Variants in HYDIN observed in about 807,000 individuals in gnomAD.
HYDIN encodes axonemal central pair apparatus protein HYDIN.
Under a neutral mutation model 403.9 loss-of-function variants are expected in HYDIN, and 132 were observed. The observed-to-expected ratio is 0.33, with a 90% CI of 0.28 to 0.38. HYDIN has a LOEUF of 0.38. Ranked by LOEUF, HYDIN falls within the 10% of genes least tolerant of loss-of-function variation. HYDIN has a pLI of 1.00. For synonymous variants in HYDIN, 1,202 were observed against 1,891.7 expected (o/e 0.64, Z 9.46); for missense variants, 2,827 against 5,009.5 (o/e 0.56, Z 13.15).
chr16:71,053,836 G>A (rs1486038946), intron 18 of HYDIN, among the ~76,000 whole-genome samples: 1 of 88,826 alleles, frequency 1.1e-5, no homozygotes, highest in Non-Finnish European at 2.3e-5. Context: ...AGATTAACAT[G>A]TGTTAATTTT....
intron 18 of HYDIN, among the ~76,000 whole-genome samples, chr16:71,034,214 T>A (rs2081012090): frequency 6.6e-6 from 1 of 152,226 alleles, no homozygotes; most frequent in South Asian, 2.1e-4. Flanking sequence ...AGTCTAAGAT[T>A]ACCCTTTCAT....
chr16:70,909,688 C>CTTTT (rs74464612), intron 47 of HYDIN, among the ~76,000 whole-genome samples: 2 of 64,776 alleles, frequency 3.1e-5, no homozygotes, highest in African/African-American at 1.1e-4. Context: ...TCAGGCATGT[C>CTTTT]TTTTTTTTTT....
chr16:71,169,410 G>T (rs1430869200), intron 5 of HYDIN, among the ~76,000 whole-genome samples: 2 of 152,084 alleles, frequency 1.3e-5, no homozygotes, highest in African/African-American at 4.8e-5. Flanking sequence ...TCCAGCCTGG[G>T]CAACAGAGTG....
At chr16:70,925,263 T>A (rs933367482) in intron 45 of HYDIN, among the ~76,000 whole-genome samples, 10 of 152,188 alleles carry the variant, frequency 6.6e-5, no homozygotes, top group Non-Finnish European at 1.3e-4. Context: ...GATGGGAGGA[T>A]TGCTTGAGGC....
At chr16:71,129,564 G>C (rs886399535) in intron 9 of HYDIN, 76 bp downstream of exon 9, 32 of 1,397,444 alleles carry the variant, frequency 2.3e-5, no homozygotes, top group Non-Finnish European at 2.8e-5. Flanking sequence ...CAATCCCCAA[G>C]TGAGCGCTCT....
chr16:71,056,089 A>T (rs1261745178), intron 18 of HYDIN, among the ~76,000 whole-genome samples: 3 of 148,706 alleles, frequency 2.0e-5, no homozygotes, highest in African/African-American at 7.4e-5. Flanking sequence ...TCCTGCCAAC[A>T]GGGCCTTTCC....
At chr16:70,895,835 C>T in intron 54 of HYDIN, 146 bp downstream of exon 54, 2 of 1,378,310 alleles carry the variant, frequency 1.5e-6, no homozygotes, top group Admixed American at 2.9e-5. Context: ...GCTAATATCA[C>T]TCTGGGGCTC....
intron 19 of HYDIN, among the ~76,000 whole-genome samples, chr16:71,028,463 A>C (rs2080791303): frequency 6.6e-6 from 1 of 152,142 alleles, no homozygotes; most frequent in African/African-American, 2.4e-5. Flanking sequence ...ATATTCCACA[A>C]ATATTTACTA....
rs765263629 is a variant in HYDIN at position 71,115,748 on chromosome 16, A to G, written c.1275T>C (p.Phe425=). ...GATAGAGCTTGGCTTCTAGTGGGTT[A>G]AAGTACACGGTGATTTCAGCTGATG... is the stretch of plus-strand genomic sequence containing the variant. ...PNSSAEITVY[F]NPLEAKLYQQ... The change falls in exon 10 of 86, where the codon TTT becomes TTC. Residue 425 remains phenylalanine (F), a synonymous_variant. Coordinates refer to ENST00000393567, the MANE Select transcript of HYDIN (RefSeq NM_001270974.2). The G allele has an allele frequency of 1.8e-6, 2 of 1,106,024 alleles. No homozygotes were observed. Among genetic ancestry groups the G allele is most frequent in the Non-Finnish European group, 2.8e-6 (2 of 720,480 alleles). 68.5% of individuals were successfully genotyped at this position (1,106,024 alleles called of 1,614,324 possible). A position where few individuals can be genotyped will look rare whatever the true frequency, so the allele number is the denominator to read the frequency against.
intron 23 of HYDIN, among the ~76,000 whole-genome samples, chr16:71,012,556 G>T (rs1597540840): frequency 6.6e-6 from 1 of 152,214 alleles, no homozygotes; most frequent in African/African-American, 2.4e-5. Flanking sequence ...AGTGAGAATT[G>T]CCTACAAAGT....
In HYDIN at chr16:71,027,635, A is replaced by C. The variant is rs1426304183; in HGVS notation, c.3009T>G (p.Asp1003Glu). 7 of 1,613,548 alleles carry C rather than the reference A, an allele frequency of 4.3e-6. No homozygotes were observed. In the South Asian group the frequency reaches 7.7e-5, roughly 18 times the overall value. ...TAGCAGAATAGCCTTCGAGTATCACATCAATTGCCTGGCCTGGGTACAGCT... is the reference window on the plus strand; with the variant it reads ...TAGCAGAATAGCCTTCGAGTATCACCTCAATTGCCTGGCCTGGGTACAGCT... ...SMELYPGQAI[D>E]VILEGYSATP... Residue 1003 changes from aspartate to glutamate, a missense_variant, in exon 20 of 86, where the codon GAT becomes GAG. Coordinates refer to ENST00000393567, the MANE Select transcript of HYDIN (RefSeq NM_001270974.2).
chr16:71,130,878 T>C (rs2084687463), intron 8 of HYDIN, among the ~76,000 whole-genome samples: 1 of 150,890 alleles, frequency 6.6e-6, no homozygotes, highest in Admixed American at 6.6e-5. Context: ...GGCACCTCCT[T>C]TTCTCTCTTT....
chr16:71,089,132 T>C (rs2083024532), intron 11 of HYDIN, among the ~76,000 whole-genome samples: 2 of 149,894 alleles, frequency 1.3e-5, no homozygotes, highest in East Asian at 2.0e-4. Context: ...TGTTTTACTA[T>C]AGAAAAGTTG....
chr16:71,204,970 T>C (rs777971682), intron 1 of HYDIN, among the ~76,000 whole-genome samples: 1 of 152,182 alleles, frequency 6.6e-6, no homozygotes, highest in African/African-American at 2.4e-5. Flanking sequence ...GCTGTCAAGA[T>C]AGTAAATGAT....
chr16:71,029,005 A>C (rs574556266), intron 19 of HYDIN, among the ~76,000 whole-genome samples: 91 of 150,996 alleles, frequency 6.0e-4, no homozygotes, highest in Admixed American at 1.8e-3. Context: ...AGTCATGATA[A>C]GTATATTTAC....
chr16:70,807,602 T>A lies in HYDIN; in HGVS notation c.15344A>T (p.Tyr5115Phe), dbSNP rs1335209050. 1 of 1,613,266 alleles carries A rather than the reference T, an allele frequency of 6.2e-7. No homozygotes were observed. Among genetic ancestry groups the A allele is most frequent in the Non-Finnish European group, 8.5e-7 (1 of 1,179,556 alleles). ...GSETGVKWVY[Y>F]LKGITL ...CCACTAAAGGGTGATCCCCTTCAGA[T>A]AATAAACCCATTTAACTCCAGTCTC... The change falls in exon 86 of 86, where the codon TAT becomes TTT. Residue 5115 changes from tyrosine to phenylalanine, a missense_variant. Coordinates refer to ENST00000393567, the MANE Select transcript of HYDIN (RefSeq NM_001270974.2).
intron 1 of HYDIN, among the ~76,000 whole-genome samples, chr16:71,198,511 G>C (rs541614384): frequency 2.0e-5 from 3 of 152,254 alleles, no homozygotes; most frequent in Non-Finnish European, 4.4e-5. Context: ...GCAACATCCT[G>C]AGATGGAAAG....
chr16:71,179,219 A>G (rs2086804251), intron 3 of HYDIN, among the ~76,000 whole-genome samples, 172 bp from the exon 4 acceptor site: 1 of 152,218 alleles, frequency 6.6e-6, no homozygotes, highest in African/African-American at 2.4e-5. Context: ...ACAGGACAAA[A>G]GAATGTGTAA....
intron 18 of HYDIN, among the ~76,000 whole-genome samples, chr16:71,043,129 C>T (rs1429852166): frequency 6.6e-6 from 1 of 151,232 alleles, no homozygotes; most frequent in Admixed American, 6.6e-5. Context: ...TTTTTTTCCT[C>T]TAGTGTTTCT....
Sources: gnomAD v4.1 joint callset for allele counts (sites outside exome capture counted in the v4.1 genomes callset) on GRCh38, gnomAD v4.1.1 for gene constraint, MANE v1.5 for transcripts, NCBI Gene and HGNC (gene_info 2026-07-23, HGNC 2026-07-21) for gene names.